Variants in EED observed in about 807,000 individuals in gnomAD.
EED encodes embryonic ectoderm development.
Under a neutral mutation model 61.0 loss-of-function variants are expected in EED, and 9 were observed. The observed-to-expected ratio is 0.15, with a 90% confidence interval of 0.09 to 0.26. The LOEUF is 0.26. EED is among the 10% of genes least tolerant of loss of function. The pLI is 1.00. For missense variants in EED, 315 were observed against 542.3 expected (o/e 0.58, Z 4.16); for synonymous variants, 187 against 174.4 (o/e 1.07, Z -0.57).
the EED span, among the ~76,000 whole-genome samples, chr11:86,286,789 G>A: frequency 7.2e-5 from 11 of 151,790 alleles, no homozygotes; most frequent in Admixed American, 2.6e-4. Context: ...TGGCTAACAC[G>A]GTGAAACCCC....
At chr11:86,261,591 C>T (rs1395931408) in intron 6 of EED, among the ~76,000 whole-genome samples, 1 of 152,204 alleles carries the variant, frequency 6.6e-6, no homozygotes, top group Non-Finnish European at 1.5e-5. Flanking sequence ...TGGCTCTGCC[C>T]TTCTGAAAAG....
chr11:86,258,626 G>T (rs1432816609), intron 6 of EED, among the ~76,000 whole-genome samples: 1 of 149,986 alleles, frequency 6.7e-6, no homozygotes, highest in Non-Finnish European at 1.5e-5. Flanking sequence ...TGCAATCTCG[G>T]CTGACTGCAA....
chr11:86,273,880 T>C (rs78243821), intron 9 of EED, among the ~76,000 whole-genome samples: 4,767 of 152,302 alleles, frequency 0.031, 243 homozygotes, highest in African/African-American at 0.11. Context: ...AGTTTGAGGT[T>C]TGAGTGCGAT....
Position 86,268,594 on chromosome 11 carries a change from C to CGTGTGTGTGTGTGTGTGT in EED, c.966+48_966+65dup, listed in dbSNP as rs71040225. 44 of 820,718 alleles carry CGTGTGTGTGTGTGTGTGT rather than the reference C, an allele frequency of 5.4e-5. No homozygotes were observed. In the South Asian group the frequency reaches 5.7e-4, roughly 11 times the overall value. The allele number at this position is 820,718 out of a possible 1,614,324, so 50.8% of individuals were successfully genotyped here. A position where few individuals can be genotyped will look rare whatever the true frequency, so the allele number is the denominator to read the frequency against. On this transcript the variant is annotated intron_variant, in intron 9 of 11. Transcript: ENST00000263360. ...AACTGCAGTTAAGCTGTACTTCCATCGTGTGTGTGTGTGTGTGTGTGTGTG... is the reference window on the plus strand; with the variant it reads ...AACTGCAGTTAAGCTGTACTTCCATCGTGTGTGTGTGTGTGTGTGTGTGTGTGTGTGTGTGTGTGTGTG...
intron 6 of EED, among the ~76,000 whole-genome samples, chr11:86,259,813 TA>T (rs1240120524): frequency 1.3e-5 from 2 of 152,200 alleles, no homozygotes; most frequent in African/African-American, 4.8e-5. Flanking sequence ...ACTTCACACC[TA>T]CTTAGGGTGG....
intron 3 of EED, among the ~76,000 whole-genome samples, chr11:86,253,419 T>C (rs573515687): frequency 2.6e-5 from 4 of 152,352 alleles, no homozygotes; most frequent in Admixed American, 1.3e-4. Context: ...ATAATTGGTA[T>C]AGTTTGTGCT....
downstream of EED, among the ~76,000 whole-genome samples, chr11:86,279,592 A>G (rs986838339): frequency 2.0e-5 from 3 of 152,186 alleles, no homozygotes; most frequent in African/African-American, 7.2e-5. Context: ...TTGGAGGTGA[A>G]ATGAGGTGAG....
At chr11:86,279,615 AC>A (rs558797474), downstream of EED, among the ~76,000 whole-genome samples, 232 of 152,346 alleles carry the variant, frequency 1.5e-3, no homozygotes, top group African/African-American at 5.3e-3. Context: ...AGAGAAAAAT[AC>A]AAAAGACTGA....
the EED span, chr11:86,284,101 G>A: frequency 6.6e-6 from 1 of 152,258 alleles, no homozygotes; most frequent in African/African-American, 2.4e-5. Context: ...AGGAAAAGCA[G>A]CTTCCACGGT....
At chr11:86,265,282 C>T (rs1242363384) in intron 7 of EED, 1 of 152,110 alleles carries the variant, frequency 6.6e-6, no homozygotes, top group Non-Finnish European at 1.5e-5. Context: ...CATATAGTAT[C>T]TAGGTTAGTA....
At chr11:86,285,154 TC>T in the EED span, among the ~76,000 whole-genome samples, 18 of 152,184 alleles carry the variant, frequency 1.2e-4, no homozygotes, top group South Asian at 3.7e-3. Flanking sequence ...GCACGGTGGT[TC>T]ATGCCTGTAA....
At chr11:86,256,293 A>G (rs1330046106) in intron 4 of EED, 94 bp from the exon 5 acceptor site, 2 of 1,268,820 alleles carry the variant, frequency 1.6e-6, no homozygotes. Context: ...CTTTGGTGTC[A>G]AAAACTTTAG....
intron 5 of EED, among the ~76,000 whole-genome samples, chr11:86,257,037 CT>C (rs111712382): frequency 2.5e-3 from 367 of 144,992 alleles, no homozygotes; most frequent in Admixed American, 3.0e-3. Flanking sequence ...TTTTGAGCAT[CT>C]TTTTTTTTTT....
chr11:86,246,081 C>T (rs1356957522), intron 1 of EED, among the ~76,000 whole-genome samples: 1 of 152,378 alleles, frequency 6.6e-6, no homozygotes, highest in East Asian at 1.9e-4. Flanking sequence ...GGGTTCCTGG[C>T]TTCGCCAAGT....
At chr11:86,257,671 C>G in intron 6 of EED, 75 bp downstream of exon 6, 1 of 1,229,368 alleles carries the variant, frequency 8.1e-7, no homozygotes, top group Non-Finnish European at 1.1e-6. Flanking sequence ...TCAAGAAAAC[C>G]CTGACAAATA....
At chr11:86,248,774 T>A (rs1188770092) in intron 1 of EED, among the ~76,000 whole-genome samples, 1 of 152,162 alleles carries the variant, frequency 6.6e-6, no homozygotes, top group African/African-American at 2.4e-5. Context: ...ATCCCAGCAC[T>A]TTAGGTGGCT....
At chr11:86,254,067 A>AG (rs1241081690) in intron 3 of EED, among the ~76,000 whole-genome samples, 1 of 146,028 alleles carries the variant, frequency 6.8e-6, no homozygotes, top group African/African-American at 2.6e-5. Context: ...AAAAAAAAAA[A>AG]AAAAAAAAGA....
At chr11:86,257,821 G>A (rs74567287) in intron 6 of EED, among the ~76,000 whole-genome samples, 1,902 of 152,268 alleles carry the variant, frequency 0.012, 53 homozygotes, top group African/African-American at 0.044. Context: ...TCCATCCTGA[G>A]ACTGGCATCA....
intron 1 of EED, among the ~76,000 whole-genome samples, chr11:86,247,058 G>C (rs1945409924): frequency 6.6e-6 from 1 of 152,058 alleles, no homozygotes; most frequent in Non-Finnish European, 1.5e-5. Context: ...TTAATAATCA[G>C]GCAAAATATA....
Sources: allele counts gnomAD v4.1 joint callset (sites outside exome capture counted in the v4.1 genomes callset), GRCh38; gene constraint gnomAD v4.1.1; transcripts MANE v1.5; gene names NCBI Gene and HGNC (gene_info 2026-07-23, HGNC 2026-07-21).